FOXP2: variants seen among roughly 807,000 people sequenced by gnomAD.
The protein encoded by FOXP2 is forkhead box protein P2.
FOXP2 carries 12 observed loss-of-function variants against 115.8 expected under a neutral mutation model. The observed-to-expected ratio is 0.10, with a 90% confidence interval of 0.07 to 0.17. The LOEUF (loss-of-function observed/expected upper bound fraction) is 0.17, where lower values mean the gene tolerates loss of function less well. Among genes scored for constraint, FOXP2 ranks in the 10% least tolerant of loss-of-function variants. FOXP2 has a pLI of 1.00. For synonymous variants in FOXP2, 328 were observed against 297.7 expected (o/e 1.10, Z -1.05); for missense variants, 629 against 843.5 (o/e 0.75, Z 3.15).
intron 1 of FOXP2, among the ~76,000 whole-genome samples, chr7:114,100,120 T>C (rs993592406): frequency 6.6e-6 from 1 of 152,208 alleles, no homozygotes; most frequent in South Asian, 2.1e-4. Context: ...AATTAATTGA[T>C]ACAAAGTTCT....
chr7:114,279,619 C>T (rs1019496576), intron 1 of FOXP2, among the ~76,000 whole-genome samples: 33 of 151,958 alleles, frequency 2.2e-4, no homozygotes, highest in African/African-American at 7.7e-4. Context: ...TTCTGTAAGC[C>T]ATGTTTACAC....
chr7:114,318,757 T>G (rs943578693), intron 2 of FOXP2, among the ~76,000 whole-genome samples: 2 of 151,636 alleles, frequency 1.3e-5, no homozygotes, highest in Non-Finnish European at 2.9e-5. Flanking sequence ...ATGGAATGTT[T>G]TGCATATTTT....
intron 3 of FOXP2, among the ~76,000 whole-genome samples, chr7:114,590,691 G>C (rs933206044): frequency 1.3e-5 from 2 of 152,074 alleles, no homozygotes; most frequent in African/African-American, 4.8e-5. Flanking sequence ...AATTCTGTTT[G>C]ACAATAATAT....
At chr7:114,379,675 A>G (rs1385068450) in intron 2 of FOXP2, among the ~76,000 whole-genome samples, 1 of 152,158 alleles carries the variant, frequency 6.6e-6, no homozygotes. Context: ...TCTGGAAGAG[A>G]CAAACTTAAC....
intron 2 of FOXP2, among the ~76,000 whole-genome samples, chr7:114,350,965 T>C (rs1791473402): frequency 6.6e-6 from 1 of 152,176 alleles, no homozygotes. Context: ...ATCTCTAGAC[T>C]ACTTAGAGTG....
chr7:114,487,279 G>A (rs185730543), intron 2 of FOXP2, among the ~76,000 whole-genome samples: 4 of 152,278 alleles, frequency 2.6e-5, no homozygotes, highest in East Asian at 1.9e-4. Flanking sequence ...CACAGCATGA[G>A]CTGTACCTTG....
At chr7:114,646,279 A>AT (rs1482460931) in intron 8 of FOXP2, among the ~76,000 whole-genome samples, 1 of 151,992 alleles carries the variant, frequency 6.6e-6, no homozygotes, top group African/African-American at 2.4e-5. Context: ...ATTGCTCCAA[A>AT]TTGTTCTTTC....
chr7:114,446,399 T>C (rs544337203), intron 2 of FOXP2, among the ~76,000 whole-genome samples: 1 of 152,092 alleles, frequency 6.6e-6, no homozygotes, highest in South Asian at 2.1e-4. Flanking sequence ...CAGAAACTTA[T>C]GTATAGAGAG....
chr7:114,143,731 A>G (rs1056290585), intron 1 of FOXP2, among the ~76,000 whole-genome samples: 1 of 152,218 alleles, frequency 6.6e-6, no homozygotes, highest in Admixed American at 6.5e-5. Flanking sequence ...GAAGGAAAGT[A>G]TAATCCTACC....
intron 6 of FOXP2, among the ~76,000 whole-genome samples, chr7:114,633,493 A>G (rs978908979): frequency 6.6e-6 from 1 of 152,192 alleles, no homozygotes; most frequent in East Asian, 1.9e-4. Context: ...ATATTTTAAA[A>G]AGGAAAAAAG....
chr7:114,143,311 AT>A (rs1453046293), intron 1 of FOXP2, among the ~76,000 whole-genome samples: 1 of 152,138 alleles, frequency 6.6e-6, no homozygotes, highest in Non-Finnish European at 1.5e-5. Flanking sequence ...GGCCTAATTT[AT>A]CACAGTCATG....
intron 2 of FOXP2, among the ~76,000 whole-genome samples, chr7:114,308,914 CA>C (rs1797078050): frequency 6.6e-6 from 1 of 152,142 alleles, no homozygotes; most frequent in African/African-American, 2.4e-5. Context: ...GGGAGGGAGA[CA>C]AAAGACCGAT....
At chr7:114,607,995 G>T (rs1803422909) in intron 3 of FOXP2, among the ~76,000 whole-genome samples, 1 of 152,128 alleles carries the variant, frequency 6.6e-6, no homozygotes. Flanking sequence ...TTCAGATTTT[G>T]TTTCCCTTTT....
At chr7:114,434,139 T>A (rs1011184596) in intron 2 of FOXP2, among the ~76,000 whole-genome samples, 2 of 151,950 alleles carry the variant, frequency 1.3e-5, no homozygotes, top group Non-Finnish European at 2.9e-5. Flanking sequence ...CTTTATTCAC[T>A]CTCAACACTT....
At chr7:114,216,970 T>C (rs1424210776) in intron 1 of FOXP2, among the ~76,000 whole-genome samples, 1 of 152,186 alleles carries the variant, frequency 6.6e-6, no homozygotes, top group East Asian at 1.9e-4. Flanking sequence ...AATCCCCTTA[T>C]TGACATTAAA....
chr7:114,291,660 T>C (rs1796593381), intron 2 of FOXP2, among the ~76,000 whole-genome samples: 1 of 151,290 alleles, frequency 6.6e-6, no homozygotes, highest in African/African-American at 2.4e-5. Flanking sequence ...ACTCACGGGT[T>C]TTTGGCTGAA....
At chr7:114,550,116 T>TCTTTTC (rs1554416373) in intron 3 of FOXP2, among the ~76,000 whole-genome samples, 3 of 126,484 alleles carry the variant, frequency 2.4e-5, no homozygotes, top group African/African-American at 1.0e-4. Context: ...TCTTTTCTTT[T>TCTTTTC]TTTTTTTTTT....
chr7:114,632,447 T>G (rs1218188540), intron 6 of FOXP2, among the ~76,000 whole-genome samples: 1 of 152,198 alleles, frequency 6.6e-6, no homozygotes, highest in Non-Finnish European at 1.5e-5. Flanking sequence ...GCTAAAATTC[T>G]CAATTCAGGT....
At chr7:114,491,633 GT>G (rs1474549481) in intron 2 of FOXP2, among the ~76,000 whole-genome samples, 8 of 152,066 alleles carry the variant, frequency 5.3e-5, no homozygotes, top group Non-Finnish European at 8.8e-5. Context: ...GGTTTTTATG[GT>G]TTTAAGTCTA....
Sources: gnomAD v4.1 joint callset for allele counts (sites outside exome capture counted in the v4.1 genomes callset) on GRCh38, gnomAD v4.1.1 for gene constraint, MANE v1.5 for transcripts, NCBI Gene and HGNC (gene_info 2026-07-23, HGNC 2026-07-21) for gene names.